ERVW-1: variants seen among roughly 807,000 people sequenced by gnomAD.
ERVW-1 encodes syncytin-1.
ERVW-1 carries 21 observed loss-of-function variants against 16.6 expected under a neutral mutation model. That is an observed-to-expected ratio of 1.26 (90% CI 0.90 to 1.82). The LOEUF (loss-of-function observed/expected upper bound fraction) is 1.82. ERVW-1 is among the 40% of genes most tolerant of loss of function. The pLI, the probability that ERVW-1 is intolerant of heterozygous loss-of-function variation, is 0.00. For missense variants in ERVW-1, 412 were observed against 300.2 expected, an observed-to-expected ratio of 1.37 and a Z score of -2.75; for synonymous variants, 161 against 109.8, an observed-to-expected ratio of 1.47 and a Z score of -2.92.
chr7:92,468,926 G>T lies in ERVW-1; in HGVS notation c.1456C>A (p.Gln486Lys). The change falls in exon 2 of 2, where the codon CAA becomes AAA. Residue 486 changes from glutamine (Q) to lysine (K), a missense_variant. By Grantham distance (53) the Gln-to-Lys change is moderately conservative (BLOSUM62 1). Transcript: ENST00000603053. ...VSSRIEAVKL[Q>K]MEPKMQSKTK... ...TTGGACTGCATCTTGGGCTCCATTT[G>T]TAGTTTTACAGCTTCGATTCTGGAA... 1.3e-6 allele frequency: 1 copy of T among 764,150 alleles called. No individual in the cohort carries two copies. Among genetic ancestry groups the T allele is most frequent in the South Asian group, 1.3e-5 (1 of 74,526 alleles). 47.3% of individuals were successfully genotyped at this position (764,150 alleles called of 1,614,324 possible).
rs1180579163 is a variant in ERVW-1, at chr7:92,470,659, G to A, written c.-227-51C>T. On this transcript the variant is annotated intron_variant, in intron 1 of 1. Transcript: ENST00000603053. ...GGACTTGACTAATACCATGTCACAA[G>A]GGTGGAATAGTTCTTTTCCCTCTTC... The A allele has an allele frequency of 2.6e-5, 8 of 310,720 alleles. No homozygotes were observed. The East Asian group carries it at 4.2e-4, about 16-fold the overall frequency. 19.2% of individuals were successfully genotyped at this position (310,720 alleles called of 1,614,324 possible). A position where few individuals can be genotyped will look rare whatever the true frequency, so the allele number is the denominator to read the frequency against.
At chr7:92,473,884 A>T (rs969453744) in intron 1 of ERVW-1, among the ~76,000 whole-genome samples, 3 of 152,150 alleles carry the variant, frequency 2.0e-5, no homozygotes, top group African/African-American at 7.2e-5. Flanking sequence ...AGGCACCCTC[A>T]GTCCTGCTGC....
intron 1 of ERVW-1, chr7:92,475,366 TGG>T (rs939879961): frequency 6.6e-6 from 1 of 152,216 alleles, no homozygotes; most frequent in African/African-American, 2.4e-5. Context: ...GCTTTAGTCC[TGG>T]AGTGTCCTCT....
rs751247098 is a variant in ERVW-1, at chr7:92,469,927, G to A, written c.455C>T (p.Ser152Leu). Residue 152 changes from serine to leucine, a missense_variant, in exon 2 of 2, where the codon TCA becomes TTA. By Grantham distance (145) the Ser-to-Leu change is moderately radical. Coordinates refer to ENST00000603053, the MANE Select transcript of ERVW-1 (RefSeq NM_001130925.2). Reference protein sequence around the residue: ...TSSPYKGLDLSKLHETLRTHT... With the variant: ...TSSPYKGLDLLKLHETLRTHT... ...GGTACGGAGGGTTTCATGTAGTTTT[G>A]AGAGATCTAGTCCTTTGTAGGGGCT... 2.6e-6 allele frequency: 2 copies of A among 778,434 alleles called. No individual in the cohort carries two copies. The highest frequency in any genetic ancestry group is 2.7e-5 in the South Asian group (2 of 74,430). 48.2% of individuals were successfully genotyped at this position (778,434 alleles called of 1,614,324 possible).
At chr7:92,474,043 C>G (rs369883374) in intron 1 of ERVW-1, among the ~76,000 whole-genome samples, 1 of 152,022 alleles carries the variant, frequency 6.6e-6, no homozygotes, top group Admixed American at 6.6e-5. Context: ...CCTTGTAGAC[C>G]GCACTGGAAG....
In ERVW-1 at chr7:92,468,518, T is replaced by C. The variant is rs1403771886; in HGVS notation, c.*247A>G. On this transcript the variant is annotated 3_prime_UTR_variant, in exon 2 of 2. Transcript: ENST00000603053. ...GATCATTGTCCCTCCTGCTGTGCTC[T>C]CAGGCAATAGATGATTGGCTATTTC... 2.8e-6 allele frequency: 1 copy of C among 351,230 alleles called. No homozygotes were observed. The highest frequency in any genetic ancestry group is 5.1e-6 in the Non-Finnish European group (1 of 195,132). The allele number at this position is 351,230 out of a possible 1,614,324, so 21.8% of individuals were successfully genotyped here.
rs180852820 is a variant in ERVW-1, at chr7:92,470,518, C to T, written c.-137G>A. 461 of 592,996 alleles carry T rather than the reference C, an allele frequency of 7.8e-4. 2 individuals are homozygous for T. The highest frequency in any genetic ancestry group is 7.3e-3 in the African/African-American group (391 of 53,666). The allele number at this position is 592,996 out of a possible 1,614,324, so 36.7% of individuals were successfully genotyped here. On this transcript the variant is annotated 5_prime_UTR_variant, in exon 2 of 2. Coordinates refer to ENST00000603053, the MANE Select transcript of ERVW-1 (RefSeq NM_001130925.2). ...CTTTGGCAGTATCCAGGATTTGACT[C>T]AAGTGTGATGTATCCAAGACTCCAC...
In ERVW-1 at chr7:92,468,840, G is replaced by A. The variant is rs1353546185; in HGVS notation, c.1542C>T (p.Asp514=). The A allele has an allele frequency of 1.3e-6, 1 of 764,380 alleles. No homozygotes were observed. Among genetic ancestry groups the A allele is most frequent in the Non-Finnish European group, 2.4e-6 (1 of 417,810 alleles). The allele number at this position is 764,380 out of a possible 1,614,324, so 47.3% of individuals were successfully genotyped here. A position where few individuals can be genotyped will look rare whatever the true frequency, so the allele number is the denominator to read the frequency against. ...TTTCCTCAGGAGGGGTGCCTTTGAT[G>A]TCATTAACATCAGATCGTGGGCTAG... ...RPASPRSDVN[D]IKGTPPEEIS... The change falls in exon 2 of 2, where the codon GAC becomes GAT. Residue 514 remains aspartate, a synonymous_variant. Transcript: ENST00000603053.
rs1172993424 is a variant in ERVW-1, at chr7:92,470,923, G to GA, written c.-227-316dup. ...TGGGTTTCCTGGGTTTGCTTTTTTA[G>GA]ATGTCCTTTGAGTGTTTCATTCATT... On this transcript the variant is annotated intron_variant, in intron 1 of 1. Transcript: ENST00000603053. 259 of 167,560 alleles carry GA rather than the reference G, an allele frequency of 1.5e-3. 1 individual carries two copies. The highest frequency in any genetic ancestry group is 1.3e-4 in the Non-Finnish European group (9 of 68,464). 10.4% of individuals were successfully genotyped at this position (167,560 alleles called of 1,614,324 possible).
chr7:92,475,636 C>T lies in ERVW-1; in HGVS notation c.-228+1746G>A, dbSNP rs113783029. ...CTGTTTATCGGATTAGTTATGCTTA[C>T]CGATGTAGCAGTCCTGCACCCCTTT... On this transcript the variant is annotated intron_variant, in intron 1 of 1. Transcript: ENST00000603053. Among the ~76,000 whole-genome samples, 1,003 of 151,572 alleles carry T rather than the reference C, an allele frequency of 6.6e-3. 8 individuals are homozygous for T. Among genetic ancestry groups the T allele is most frequent in the Middle Eastern group, 0.041 (12 of 292 alleles).
chr7:92,470,421 T>C lies in ERVW-1; in HGVS notation c.-40A>G, dbSNP rs538128838. On this transcript the variant is annotated 5_prime_UTR_variant, in exon 2 of 2. Coordinates refer to ENST00000603053, the MANE Select transcript of ERVW-1 (RefSeq NM_001130925.2). Reference sequence around the variant, plus strand: ...TTAGTTACTTTCCTCCTGGTTGTTGTTTGAAGAGCAGGCGCAAATCCTCTA... The same window carrying C: ...TTAGTTACTTTCCTCCTGGTTGTTGCTTGAAGAGCAGGCGCAAATCCTCTA... 1 of 652,334 alleles carries C rather than the reference T, an allele frequency of 1.5e-6. No individual in the cohort carries two copies. Among genetic ancestry groups the C allele is most frequent in the African/African-American group, 1.8e-5 (1 of 55,000 alleles). 40.4% of individuals were successfully genotyped at this position (652,334 alleles called of 1,614,324 possible).
In ERVW-1 at chr7:92,469,514, G is replaced by A. The variant is rs1790234751; in HGVS notation, c.868C>T (p.Leu290Phe). ...GTCATAGGGGGCACTAAGAATGAGA[G>A]GAAGCACATAGATTCTGAAGAGCCA... is the stretch of plus-strand genomic sequence containing the variant. ...LNGSSESMCF[L>F]SFLVPPMTIY... The change falls in exon 2 of 2, where the codon CTC becomes TTC. Residue 290 changes from leucine to phenylalanine, a missense_variant. Coordinates refer to ENST00000603053, the MANE Select transcript of ERVW-1 (RefSeq NM_001130925.2). The A allele has an allele frequency of 3.9e-6, 3 of 768,474 alleles. No individual in the cohort carries two copies. The highest frequency in any genetic ancestry group is 7.2e-6 in the Non-Finnish European group (3 of 416,348). The allele number at this position is 768,474 out of a possible 1,614,324, so 47.6% of individuals were successfully genotyped here. A position where few individuals can be genotyped will look rare whatever the true frequency, so the allele number is the denominator to read the frequency against.
At chr7:92,471,246 C>T (rs1790336438) in intron 1 of ERVW-1, 1 of 167,000 alleles carries the variant, frequency 6.0e-6, no homozygotes, top group African/African-American at 2.4e-5. Context: ...AGTTGCCAGT[C>T]TTCTCCAGGG....
At chr7:92,471,624 G>T (rs900702330) in intron 1 of ERVW-1, 1 of 152,196 alleles carries the variant, frequency 6.6e-6, no homozygotes, top group Non-Finnish European at 1.5e-5. Flanking sequence ...CATTTCTAAT[G>T]GAGGGTCCTG....
rs760193834 is a variant in ERVW-1 at position 92,470,302 on chromosome 7, C to G, written c.80G>C (p.Cys27Ser). Residue 27 changes from cysteine (C) to serine (S), a missense_variant, in exon 2 of 2, where the codon TGT (cysteine) becomes TCT (serine). Physicochemically the swap from Cys to Ser is moderately radical, Grantham distance 112. Transcript: ENST00000603053. ...FTLTAPPPCR[C>S]MTSSSPYQEF... The stretch of plus-strand genomic sequence containing the variant: ...TTGGTAAGGGGAGCTACTGGTCATA[C>G]AGCGGCATGGAGGGGGTGCAGTGAG... 5.1e-6 allele frequency: 4 copies of G among 777,482 alleles called. No homozygotes were observed. Among genetic ancestry groups the G allele is most frequent in the Non-Finnish European group, 9.6e-6 (4 of 417,426 alleles). The allele number at this position is 777,482 out of a possible 1,614,324, so 48.2% of individuals were successfully genotyped here. A position where few individuals can be genotyped will look rare whatever the true frequency, so the allele number is the denominator to read the frequency against.
chr7:92,468,845 T>G lies in ERVW-1; in HGVS notation c.1537A>C (p.Asn513His). Residue 513 changes from asparagine (N) to histidine (H), a missense_variant, in exon 2 of 2, where the codon AAT becomes CAT. Physicochemically the swap from Asn to His is moderately conservative, Grantham distance 68 (BLOSUM62 1). Coordinates refer to ENST00000603053, the MANE Select transcript of ERVW-1 (RefSeq NM_001130925.2). ...TCAGGAGGGGTGCCTTTGATGTCAT[T>G]AACATCAGATCGTGGGCTAGCAGGC... The part of the protein sequence containing the change: ...DRPASPRSDV[N>H]DIKGTPPEEI... 1.3e-6 allele frequency: 1 copy of G among 764,420 alleles called. No individual in the cohort carries two copies. Among genetic ancestry groups the G allele is most frequent in the Non-Finnish European group, 2.4e-6 (1 of 417,836 alleles). 47.4% of individuals were successfully genotyped at this position (764,420 alleles called of 1,614,324 possible).
intron 1 of ERVW-1, 109 bp downstream of exon 1, chr7:92,477,273 G>A (rs914434256): frequency 3.3e-5 from 5 of 152,328 alleles, no homozygotes; most frequent in African/African-American, 1.2e-4. Flanking sequence ...CTTAAGTCCG[G>A]TGGCCACACT....
At chr7:92,476,409 G>A (rs916276227) in intron 1 of ERVW-1, among the ~76,000 whole-genome samples, 20 of 152,266 alleles carry the variant, frequency 1.3e-4, no homozygotes, top group African/African-American at 4.8e-4. Context: ...GGAAGCTACG[G>A]GTTGTCAATG....
intron 1 of ERVW-1, chr7:92,473,020 G>C (rs1231120900): frequency 6.6e-6 from 1 of 152,222 alleles, no homozygotes; most frequent in Non-Finnish European, 1.5e-5. Flanking sequence ...AATAGATGGG[G>C]ACTATCCCTG....
Sources: gnomAD v4.1 joint callset for allele counts (sites outside exome capture counted in the v4.1 genomes callset) on GRCh38, gnomAD v4.1.1 for gene constraint, MANE v1.5 for transcripts, NCBI Gene and HGNC (gene_info 2026-07-23, HGNC 2026-07-21) for gene names.